NPAT: variants seen among roughly 807,000 people sequenced by gnomAD.
The protein encoded by NPAT is protein NPAT.
A neutral mutation model predicts 130.7 loss-of-function variants in NPAT; 52 were observed. The observed-to-expected ratio is 0.40, with a 90% CI of 0.32 to 0.50. The LOEUF (loss-of-function observed/expected upper bound fraction) is 0.50, where lower values mean the gene tolerates loss of function less well. Ranked by LOEUF, NPAT falls within the 20% of genes least tolerant of loss-of-function variation. The pLI is 0.68. For missense variants in NPAT, 1,687 were observed against 1,662.6 expected (o/e 1.01, Z -0.26); for synonymous variants, 580 against 584.8 (o/e 0.99, Z 0.12).
At chr11:108,182,733 A>T (rs1170069026) in intron 10 of NPAT, among the ~76,000 whole-genome samples, 1 of 152,160 alleles carries the variant, frequency 6.6e-6, no homozygotes, top group Non-Finnish European at 1.5e-5. Flanking sequence ...CAGGTGATCC[A>T]CCTGCCTCAG....
Position 108,158,245 on chromosome 11 carries a change from A to G in NPAT, c.*697T>C, listed in dbSNP as rs1169603717. 1 of 152,568 alleles carries G rather than the reference A, an allele frequency of 6.6e-6. No individual in the cohort carries two copies. Among genetic ancestry groups the G allele is most frequent in the African/African-American group, 2.4e-5 (1 of 41,458 alleles). 9.5% of individuals were successfully genotyped at this position (152,568 alleles called of 1,614,324 possible). ...AAAGTTCTGTAAAAAATCTTAAGTT[A>G]TAAATGAAAGATCAGAACATTCAAT... On this transcript the variant is annotated 3_prime_UTR_variant, in exon 18 of 18. Coordinates refer to ENST00000278612, the MANE Select transcript of NPAT (RefSeq NM_002519.3).
chr11:108,209,177 G>A (rs1301534897), intron 1 of NPAT, among the ~76,000 whole-genome samples: 2 of 152,200 alleles, frequency 1.3e-5, no homozygotes, highest in Admixed American at 1.3e-4. Flanking sequence ...ATACTCAGGA[G>A]GCTGAGGCAG....
intron 1 of NPAT, among the ~76,000 whole-genome samples, chr11:108,216,370 T>C (rs891913522): frequency 6.6e-6 from 1 of 152,194 alleles, no homozygotes; most frequent in African/African-American, 2.4e-5. Flanking sequence ...CCTAAGAGGC[T>C]GAAAATTGGT....
At chr11:108,190,307 T>A (rs1485159369) in intron 5 of NPAT, among the ~76,000 whole-genome samples, 153 bp downstream of exon 5, 7 of 70,678 alleles carry the variant, frequency 9.9e-5, no homozygotes, top group African/African-American at 3.9e-4. Context: ...AGCGAGACAC[T>A]GTCTCAAAAA....
At chr11:108,203,390 G>A (rs917798037) in intron 1 of NPAT, among the ~76,000 whole-genome samples, 27 of 152,194 alleles carry the variant, frequency 1.8e-4, no homozygotes, top group South Asian at 1.5e-3. Context: ...TCTCTAGGTC[G>A]GCACTGGGAG....
chr11:108,189,423 C>T (rs2078141681), intron 5 of NPAT, 93 bp from the exon 6 acceptor site: 14 of 993,002 alleles, frequency 1.4e-5, no homozygotes, highest in Admixed American at 8.6e-5. Context: ...TATATAACAA[C>T]GTGTTACATC....
chr11:108,212,593 C>G (rs1458123270), intron 1 of NPAT, among the ~76,000 whole-genome samples: 1 of 150,088 alleles, frequency 6.7e-6, no homozygotes, highest in Non-Finnish European at 1.5e-5. Context: ...TTGCAGATGA[C>G]ATGTCTTATA....
chr11:108,191,750 C>T (rs780699954), intron 4 of NPAT, among the ~76,000 whole-genome samples: 78 of 151,954 alleles, frequency 5.1e-4, no homozygotes, highest in Non-Finnish European at 1.1e-3. Context: ...GTTAAGAAAC[C>T]AAGTGGGCAT....
At chr11:108,189,622 G>A (rs988922329) in intron 5 of NPAT, among the ~76,000 whole-genome samples, 2 of 152,126 alleles carry the variant, frequency 1.3e-5, no homozygotes, top group Non-Finnish European at 2.9e-5. Flanking sequence ...TGTAATCCCA[G>A]CACTTTGGGA....
Position 108,216,533 on chromosome 11 carries a change from TAAG to T in NPAT, c.37+5964_37+5966del, listed in dbSNP as rs2078437266. Among the ~76,000 whole-genome samples, 2 of 150,812 alleles carry T rather than the reference TAAG, an allele frequency of 1.3e-5. 1 individual carries two copies. Among genetic ancestry groups the T allele is most frequent in the East Asian group, 3.9e-4 (2 of 5,168 alleles). On this transcript the variant is annotated intron_variant, in intron 1 of 17. Transcript: ENST00000278612. ...GAGGGTCAGGGAAAAAAAAAAAGCCTAAGAAGATTCCTTAAAGTTGTGTAATGA... is the reference window on the plus strand; with the variant it reads ...GAGGGTCAGGGAAAAAAAAAAAGCCTAAGATTCCTTAAAGTTGTGTAATGA...
intron 4 of NPAT, 52 bp from the exon 5 acceptor site, chr11:108,190,552 T>A (rs1437081365): frequency 6.7e-7 from 1 of 1,502,976 alleles, no homozygotes; most frequent in Non-Finnish European, 9.3e-7. Context: ...GTTGCTGACA[T>A]CCACTATGAT....
At chr11:108,191,737 CAAGTT>C (rs2078171467) in intron 4 of NPAT, among the ~76,000 whole-genome samples, 1 of 152,042 alleles carries the variant, frequency 6.6e-6, no homozygotes, top group African/African-American at 2.4e-5. Context: ...TTTTTCTTTA[CAAGTT>C]AAGAAACCAA....
chr11:108,197,049 C>A (rs1167414950), intron 2 of NPAT, among the ~76,000 whole-genome samples: 2 of 151,878 alleles, frequency 1.3e-5, no homozygotes, highest in Non-Finnish European at 2.9e-5. Context: ...ACAGCAGCAG[C>A]GAAACTAATC....
Position 108,161,481 on chromosome 11 carries a change from G to A in NPAT, c.3605C>T (p.Ala1202Val), listed in dbSNP as rs900722116. ...NGGLRSEKSIASLQEMTKKQG... is the reference protein window; with the variant it reads ...NGGLRSEKSIVSLQEMTKKQG... ...TTTTTTGGTCATTTCTTGCAGTGAA[G>A]CTATAGATTTCTCACTTCGCAAACC... is the stretch of plus-strand genomic sequence containing the variant. Residue 1202 changes from alanine (A) to valine (V), a missense_variant, in exon 17 of 18, where the codon GCT (alanine) becomes GTT (valine). Ala to Val is a moderately conservative substitution (Grantham distance 64, BLOSUM62 0). Transcript: ENST00000278612. 6.2e-7 allele frequency: 1 copy of A among 1,614,156 alleles called. No individual in the cohort carries two copies. The highest frequency in any genetic ancestry group is 1.1e-5 in the South Asian group (1 of 91,080).
At chr11:108,219,720 T>C (rs762886370) in intron 1 of NPAT, among the ~76,000 whole-genome samples, 33 of 139,388 alleles carry the variant, frequency 2.4e-4, no homozygotes, top group Non-Finnish European at 4.2e-4. Context: ...TACTGATCTG[T>C]ACATTAAAAA....
At chr11:108,197,466 T>G in intron 1 of NPAT, 46 bp from the exon 2 acceptor site, 1 of 1,262,798 alleles carries the variant, frequency 7.9e-7, no homozygotes, top group Non-Finnish European at 1.2e-6. Flanking sequence ...AATTCTGTAC[T>G]TTTGGTTAAA....
intron 15 of NPAT, among the ~76,000 whole-genome samples, chr11:108,162,420 A>C (rs912100860): frequency 6.6e-6 from 1 of 152,184 alleles, no homozygotes; most frequent in African/African-American, 2.4e-5. Flanking sequence ...CATCAACTTC[A>C]GGCAAATATT....
At chr11:108,164,985 G>A (rs1297181358) in intron 15 of NPAT, among the ~76,000 whole-genome samples, 1 of 152,088 alleles carries the variant, frequency 6.6e-6, no homozygotes, top group African/African-American at 2.4e-5. Flanking sequence ...TTCCAGCCTG[G>A]GCGACAAGAG....
chr11:108,181,691 C>T (rs1040645278), intron 10 of NPAT, among the ~76,000 whole-genome samples: 24 of 151,716 alleles, frequency 1.6e-4, no homozygotes, highest in Admixed American at 1.5e-3. Context: ...CTTTATATCA[C>T]ACTAATTTTG....
Sources: allele counts gnomAD v4.1 joint callset (sites outside exome capture counted in the v4.1 genomes callset), GRCh38; gene constraint gnomAD v4.1.1; transcripts MANE v1.5; gene names NCBI Gene and HGNC (gene_info 2026-07-23, HGNC 2026-07-21).